The following GTF3C4 variants were observed in gnomAD, a reference collection of about 807,000 sequenced individuals.
GTF3C4 encodes general transcription factor 3C polypeptide 4.
GTF3C4 carries 28 observed loss-of-function variants against 67.5 expected under a neutral mutation model. That is an observed-to-expected ratio of 0.41 (90% confidence interval 0.31 to 0.57). The LOEUF (loss-of-function observed/expected upper bound fraction) is 0.57, where lower values mean the gene tolerates loss of function less well. Among genes scored for constraint, GTF3C4 ranks in the 20% least tolerant of loss-of-function variants. The pLI is 0.21. For synonymous variants in GTF3C4, 409 were observed against 393.0 expected, an observed-to-expected ratio of 1.04 and a Z score of -0.48; for missense variants, 831 against 1,033.2, an observed-to-expected ratio of 0.80 and a Z score of 2.68.
rs1178947969 is a variant in GTF3C4 at position 132,678,298 on chromosome 9, G to A, written c.679G>A (p.Glu227Lys). The change falls in exon 2 of 5, where the codon GAG becomes AAG. Residue 227 changes from glutamate to lysine, a missense_variant. Glu to Lys is a moderately conservative substitution (Grantham distance 56). Around this residue, in one of 4 missense-constraint regions of GTF3C4, gnomAD observed 390 missense variants for 540.3 expected, o/e 0.72. Coordinates refer to ENST00000372146, the MANE Select transcript of GTF3C4 (RefSeq NM_012204.4). This position sits in a 1 kb window ranked among gnomAD's most constrained non-coding sequence, Gnocchi z 6.5. ...GACCAGTTACAGGCTCTCTAAAAAT[G>A]AGGCCCCGGAAGGAAATCTCGGGGA... ...YETSYRLSKNEAPEGNLGDFA... is the reference protein window; with the variant it reads ...YETSYRLSKNKAPEGNLGDFA... The A allele has an allele frequency of 3.1e-6, 5 of 1,614,186 alleles. No individual in the cohort carries two copies. The highest frequency in any genetic ancestry group is 1.7e-5 in the Admixed American group (1 of 60,024).
In GTF3C4 at chr9:132,670,966, C is replaced by T; in HGVS notation, c.357+11C>T. On this transcript the variant is annotated intron_variant, in intron 1 of 4. Coordinates refer to ENST00000372146, the MANE Select transcript of GTF3C4 (RefSeq NM_012204.4). ...AGCTGTCTCCTCAAAGTAAGTCATC[C>T]CCCGCCATCCCTGGGGTCTTCCCCT... The T allele has an allele frequency of 7.0e-6, 11 of 1,570,324 alleles. No homozygotes were observed. The highest frequency in any genetic ancestry group is 9.6e-6 in the Non-Finnish European group (11 of 1,142,068).
intron 2 of GTF3C4, among the ~76,000 whole-genome samples, chr9:132,683,051 A>G (rs995095761): frequency 6.6e-6 from 1 of 152,218 alleles, no homozygotes; most frequent in Non-Finnish European, 1.5e-5. Context: ...CTCAGATTGC[A>G]GGCTACTGGA....
At position 132,689,174 on chromosome 9, in the gene GTF3C4, T is replaced by G; in HGVS notation, c.*229T>G. ...TGGACTCAGAGAGTTGGAGTCGTTTTGAGATGAGCATTAGCCCCAGCTTTG... is the reference window on the plus strand; with the variant it reads ...TGGACTCAGAGAGTTGGAGTCGTTTGGAGATGAGCATTAGCCCCAGCTTTG... On this transcript the variant is annotated 3_prime_UTR_variant, in exon 5 of 5. Coordinates refer to ENST00000372146, the MANE Select transcript of GTF3C4 (RefSeq NM_012204.4). 1.9e-6 allele frequency: 1 copy of G among 537,308 alleles called. No individual in the cohort carries two copies. Among genetic ancestry groups the G allele is most frequent in the South Asian group, 2.2e-5 (1 of 44,900 alleles). The allele number at this position is 537,308 out of a possible 1,614,324, so 33.3% of individuals were successfully genotyped here.
Position 132,679,416 on chromosome 9 carries a change from C to T in GTF3C4, c.1797C>T (p.Pro599=), listed in dbSNP as rs1835908742. 6.2e-7 allele frequency: 1 copy of T among 1,614,148 alleles called. No individual in the cohort carries two copies. Among genetic ancestry groups the T allele is most frequent in the African/African-American group, 1.3e-5 (1 of 75,036 alleles). The change falls in exon 2 of 5, where the codon CCC becomes CCT. Residue 599 remains proline (P), a synonymous_variant. Transcript: ENST00000372146. This position sits in a 1 kb window ranked among gnomAD's most constrained non-coding sequence, Gnocchi z 5.9. ...CCCCTTCAGAAGCCTTGTGGAAACC[C>T]ACCCATGAGGACTCAAAAATCTTAC... ...QKTPSEALWK[P]THEDSKILLV...
intron 3 of GTF3C4, among the ~76,000 whole-genome samples, chr9:132,685,743 TAAA>T (rs2130901735): frequency 6.6e-6 from 1 of 152,324 alleles, no homozygotes; most frequent in African/African-American, 2.4e-5. Context: ...GTAATAAAAA[TAAA>T]AACATATACT....
rs1009951963 is a variant in GTF3C4 at position 132,690,213 on chromosome 9, G to T, written c.*1268G>T. 2 of 152,366 alleles carry T rather than the reference G, an allele frequency of 1.3e-5. No individual in the cohort carries two copies. The highest frequency in any genetic ancestry group is 2.9e-5 in the Non-Finnish European group (2 of 68,174). The allele number at this position is 152,366 out of a possible 1,614,324, so 9.4% of individuals were successfully genotyped here. On this transcript the variant is annotated 3_prime_UTR_variant, in exon 5 of 5. Coordinates refer to ENST00000372146, the MANE Select transcript of GTF3C4 (RefSeq NM_012204.4). ...AATCCCAGCACTTTGGGAGGCCGAG[G>T]CAGACGGGTCACTTGAGGCCAGGAG... is the stretch of plus-strand genomic sequence containing the variant.
chr9:132,680,938 C>T (rs764853335), intron 2 of GTF3C4, among the ~76,000 whole-genome samples: 15 of 152,228 alleles, frequency 9.9e-5, no homozygotes, highest in Non-Finnish European at 1.6e-4. Flanking sequence ...GGCGAAACCC[C>T]GTCTCTACTA....
At position 132,670,890 on chromosome 9, in the gene GTF3C4, C is replaced by G. The variant is rs199967299; in HGVS notation, c.292C>G (p.Pro98Ala). The G allele has an allele frequency of 6.2e-7, 1 of 1,612,608 alleles. No individual in the cohort carries two copies. The highest frequency in any genetic ancestry group is 2.2e-5 in the East Asian group (1 of 44,856). The change falls in exon 1 of 5, where the codon CCG becomes GCG. Residue 98 changes from proline (P) to alanine (A), a missense_variant. Transcript: ENST00000372146. ...GGAGCTCATCTGCGACGTGCACAAC[C>G]CGGGCCAGGACCTGGTTATCCACCG... is the stretch of plus-strand genomic sequence containing the variant. ...VLELICDVHN[P>A]GQDLVIHRTS...
intron 1 of GTF3C4, among the ~76,000 whole-genome samples, chr9:132,673,108 G>T (rs1481225873): frequency 6.6e-6 from 1 of 152,234 alleles, no homozygotes; most frequent in East Asian, 1.9e-4. Flanking sequence ...GCGTGAATCC[G>T]GGAGGCGGAG....
At chr9:132,681,007 C>G (rs1181961383) in intron 2 of GTF3C4, among the ~76,000 whole-genome samples, 1 of 152,154 alleles carries the variant, frequency 6.6e-6, no homozygotes. Flanking sequence ...ACTTGGGAGG[C>G]TGAGGCAGGA....
At chr9:132,671,163 G>A (rs944225634) in intron 1 of GTF3C4, among the ~76,000 whole-genome samples, 1 of 151,990 alleles carries the variant, frequency 6.6e-6, no homozygotes, top group African/African-American at 2.4e-5. Flanking sequence ...GTTTCCCCAG[G>A]TCACCCGCCG....
chr9:132,673,205 A>G (rs148918379), intron 1 of GTF3C4, among the ~76,000 whole-genome samples: 2 of 152,088 alleles, frequency 1.3e-5, no homozygotes, highest in Non-Finnish European at 2.9e-5. Context: ...AGAAAATATA[A>G]TGCAGTTATA....
intron 4 of GTF3C4, 136 bp downstream of exon 4, chr9:132,687,463 GC>G: frequency 1.6e-6 from 1 of 609,756 alleles, no homozygotes; most frequent in Non-Finnish European, 3.0e-6. Context: ...TGGGGAGTAG[GC>G]CCCTGCTGCT....
intron 1 of GTF3C4, among the ~76,000 whole-genome samples, chr9:132,677,269 G>A (rs930104017): frequency 1.3e-4 from 20 of 152,166 alleles, no homozygotes; most frequent in African/African-American, 3.6e-4. Flanking sequence ...GGGTGTGGTG[G>A]TGCACGCTTG....
Position 132,671,100 on chromosome 9 carries a change from G to A in GTF3C4, c.357+145G>A, listed in dbSNP as rs527270084. ...GCTGGGGATTTATTAAGCAGCCAGG[G>A]TTACCACAGCTTAAAAAAAAAAAAA... On this transcript the variant is annotated intron_variant, in intron 1 of 4. Transcript: ENST00000372146. The A allele has an allele frequency of 1.3e-3, 873 of 647,738 alleles. 2 individuals are homozygous for A. The highest frequency in any genetic ancestry group is 1.8e-3 in the Non-Finnish European group (663 of 376,996). The allele number at this position is 647,738 out of a possible 1,614,324, so 40.1% of individuals were successfully genotyped here. A position where few individuals can be genotyped will look rare whatever the true frequency, so the allele number is the denominator to read the frequency against.
chr9:132,679,807 G>A lies in GTF3C4; in HGVS notation c.2184+4G>A. 1.3e-6 allele frequency: 2 copies of A among 1,560,368 alleles called. No homozygotes were observed. The highest frequency in any genetic ancestry group is 1.7e-6 in the Non-Finnish European group (2 of 1,150,082). The stretch of plus-strand genomic sequence containing the variant: ...GTATGATGACAGAACTGCACGGGTA[G>A]GTGTTTATTAACAAAAACTCTGAAA... On this transcript the variant is annotated splice_donor_region_variant and intron_variant, in intron 2 of 4. Coordinates refer to ENST00000372146, the MANE Select transcript of GTF3C4 (RefSeq NM_012204.4). The surrounding 1 kb of genome is among the most constrained non-coding windows in gnomAD (Gnocchi z 5.9).
At chr9:132,676,771 C>CATTT (rs1430357041) in intron 1 of GTF3C4, among the ~76,000 whole-genome samples, 1 of 152,168 alleles carries the variant, frequency 6.6e-6, no homozygotes, top group African/African-American at 2.4e-5. Context: ...TAGGCTTGAA[C>CATTT]ATTTAAACTC....
rs907646762 is a variant in GTF3C4, at chr9:132,690,719, C to A, written c.*1774C>A. On this transcript the variant is annotated 3_prime_UTR_variant, in exon 5 of 5. Transcript: ENST00000372146. Reference sequence around the variant, plus strand: ...GAAAGAAACCAAGCAGCATTGAAATCATGAGTAACAGAATTCAGAACATTG... The same window carrying A: ...GAAAGAAACCAAGCAGCATTGAAATAATGAGTAACAGAATTCAGAACATTG... The A allele has an allele frequency of 1.3e-5, 2 of 152,194 alleles. No homozygotes were observed. The allele number at this position is 152,194 out of a possible 1,614,324, so 9.4% of individuals were successfully genotyped here.
At chr9:132,688,776 G>T (rs1836067224) in intron 4 of GTF3C4, 105 bp from the exon 5 acceptor site, 2 of 816,894 alleles carry the variant, frequency 2.4e-6, no homozygotes, top group Non-Finnish European at 4.4e-6. Flanking sequence ...TTATTGCAGA[G>T]GTGGGACCAG....
Sources: gnomAD v4.1 joint callset for allele counts (sites outside exome capture counted in the v4.1 genomes callset) on GRCh38, gnomAD v4.1.1 for gene constraint, gnomAD v4.1.1 regional missense constraint, Gnocchi (gnomAD v3.1) non-coding constraint, MANE v1.5 for transcripts, NCBI Gene and HGNC (gene_info 2026-07-23, HGNC 2026-07-21) for gene names.